The following TOGARAM2 variants were observed in gnomAD, a reference collection of about 807,000 sequenced individuals.
TOGARAM2 encodes TOG array regulator of axonemal microtubules 2, also known as TOG array regulator of axonemal microtubules protein 2.
In TOGARAM2, 85 loss-of-function variants were observed where a neutral mutation model predicts 93.3. That is an observed-to-expected ratio of 0.91 (90% confidence interval 0.76 to 1.09). TOGARAM2 has a LOEUF of 1.09. TOGARAM2 is among the 50% of genes least tolerant of loss of function. The probability of loss-of-function intolerance (pLI) is 0.00; values close to 1 mark genes in which losing one functional copy is unlikely to be tolerated. For missense variants in TOGARAM2, 1,277 were observed against 1,334.5 expected (o/e 0.96, Z 0.67); for synonymous variants, 593 against 552.8 (o/e 1.07, Z -1.02).
At position 28,994,241 on chromosome 2, in the gene TOGARAM2, G is replaced by A. The variant is rs550908202; in HGVS notation, c.-110-484G>A. Among the ~76,000 whole-genome samples the A allele has an allele frequency of 1.1e-4, 17 of 152,214 alleles. No individual in the cohort carries two copies. In the South Asian group the frequency reaches 3.3e-3, roughly 30 times the overall value. Reference sequence around the variant, plus strand: ...TCAGGTGAGAAGGAGCACCAAGGACGTCATGGAGGTCATGACCGCGCATCC... The same window carrying A: ...TCAGGTGAGAAGGAGCACCAAGGACATCATGGAGGTCATGACCGCGCATCC... On this transcript the variant is annotated intron_variant, in intron 1 of 19. Transcript: ENST00000379558.
chr2:28,979,121 A>G (rs1368778892), upstream of TOGARAM2, among the ~76,000 whole-genome samples: 2 of 149,516 alleles, frequency 1.3e-5, no homozygotes, highest in Non-Finnish European at 2.9e-5. Flanking sequence ...CCCCACCTGG[A>G]GTGCCCCAAT....
At chr2:28,957,748 G>A (rs979977325) in intron 1 of TOGARAM2, among the ~76,000 whole-genome samples, 6 of 152,066 alleles carry the variant, frequency 3.9e-5, no homozygotes, top group Non-Finnish European at 4.4e-5. Flanking sequence ...TGTTTATTTC[G>A]AACTTCAGTT....
intron 1 of TOGARAM2, among the ~76,000 whole-genome samples, chr2:28,963,877 G>A (rs1206912776): frequency 6.6e-6 from 1 of 152,142 alleles, no homozygotes; most frequent in Non-Finnish European, 1.5e-5. Flanking sequence ...GCATGGTAGT[G>A]TGCGCCTGTA....
intron 1 of TOGARAM2, among the ~76,000 whole-genome samples, chr2:28,962,791 TCCTCCCCTTC>T (rs1195395445): frequency 1.9e-4 from 20 of 103,884 alleles, no homozygotes; most frequent in African/African-American, 2.6e-4. Flanking sequence ...CCCTCCCTTT[TCCTCCCCTTC>T]CCTCCCCTTC....
chr2:28,994,191 G>T (rs1001361399), intron 1 of TOGARAM2, among the ~76,000 whole-genome samples: 1 of 152,160 alleles, frequency 6.6e-6, no homozygotes, highest in Non-Finnish European at 1.5e-5. Flanking sequence ...GTGGCTGAGG[G>T]GGGTCACAGG....
chr2:29,005,346 C>A (rs114434805), intron 6 of TOGARAM2, among the ~76,000 whole-genome samples: 1 of 12,592 alleles, frequency 7.9e-5, no homozygotes, highest in African/African-American at 1.2e-4. Flanking sequence ...CGTGTGTGTG[C>A]ATGTGTGGAG....
At chr2:28,966,158 T>G (rs1451814245) in intron 1 of TOGARAM2, among the ~76,000 whole-genome samples, 1 of 149,960 alleles carries the variant, frequency 6.7e-6, no homozygotes, top group Non-Finnish European at 1.5e-5. Flanking sequence ...GCCTGGCTAG[T>G]TTTTGTATTT....
intron 1 of TOGARAM2, among the ~76,000 whole-genome samples, chr2:28,973,490 G>A (rs55882210): frequency 5.9e-4 from 25 of 42,314 alleles, no homozygotes; most frequent in African/African-American, 1.7e-3. Flanking sequence ...TCCCTCCTTC[G>A]TTCTTCTCCC....
chr2:28,959,779 A>G (rs1317980929), intron 1 of TOGARAM2, among the ~76,000 whole-genome samples: 3 of 152,222 alleles, frequency 2.0e-5, no homozygotes, highest in Non-Finnish European at 1.5e-5. Flanking sequence ...GATGATCTGT[A>G]TATACACGCC....
chr2:29,005,548 A>C (rs1273866331), intron 6 of TOGARAM2, among the ~76,000 whole-genome samples: 1 of 140,416 alleles, frequency 7.1e-6, no homozygotes, highest in Non-Finnish European at 1.5e-5. Context: ...GTGTGTGTTC[A>C]TGTGTGTGGA....
upstream of TOGARAM2, among the ~76,000 whole-genome samples, chr2:28,976,592 C>T (rs1461535054): frequency 1.3e-5 from 2 of 152,142 alleles, no homozygotes; most frequent in African/African-American, 2.4e-5. Context: ...GAGGGGTTGG[C>T]TTCTGTTGGG....
At chr2:29,040,183 T>A (rs894893403) in intron 18 of TOGARAM2, among the ~76,000 whole-genome samples, 3 of 152,246 alleles carry the variant, frequency 2.0e-5, no homozygotes, top group African/African-American at 4.8e-5. Context: ...AAATTTCCCT[T>A]GTTAAAAATC....
At chr2:28,965,405 G>A (rs532195846) in intron 1 of TOGARAM2, among the ~76,000 whole-genome samples, 2 of 152,106 alleles carry the variant, frequency 1.3e-5, no homozygotes, top group African/African-American at 4.8e-5. Flanking sequence ...TTCACTATTG[G>A]CTTGTTGTTA....
intron 4 of TOGARAM2, among the ~76,000 whole-genome samples, chr2:29,002,081 C>T (rs1293488412): frequency 3.9e-5 from 6 of 152,136 alleles, no homozygotes; most frequent in Non-Finnish European, 7.4e-5. Flanking sequence ...GTCAAAACAG[C>T]TACGCCCCAC....
At position 29,035,536 on chromosome 2, in the gene TOGARAM2, G is replaced by C. The variant is rs1445703478; in HGVS notation, c.2298G>C (p.Gln766His). 1 of 1,574,454 alleles carries C rather than the reference G, an allele frequency of 6.4e-7. No individual in the cohort carries two copies. The highest frequency in any genetic ancestry group is 8.6e-7 in the Non-Finnish European group (1 of 1,160,122). Residue 766 changes from glutamine to histidine, a missense_variant, in exon 17 of 20, where the codon CAG (glutamine) becomes CAC (histidine). Transcript: ENST00000379558. ...AGGGCCGCGGGGAGATGGTGGAGCA[G>C]CTACGGGAGCTGACACGGCTGCTGG... ...TLQGRGEMVEQLRELTRLLEA... is the reference protein window; with the variant it reads ...TLQGRGEMVEHLRELTRLLEA...
rs567279250 is a variant in TOGARAM2, at chr2:29,022,317, A to C, written c.1511+9A>C. The C allele has an allele frequency of 6.2e-7, 1 of 1,613,644 alleles. No homozygotes were observed. Among genetic ancestry groups the C allele is most frequent in the African/African-American group, 1.3e-5 (1 of 75,012 alleles). ...CTCAACAGCAGTGACTGGTGAGGAGATGCTTCCACCACGTGCTGTGTTCTG... is the reference window on the plus strand; with the variant it reads ...CTCAACAGCAGTGACTGGTGAGGAGCTGCTTCCACCACGTGCTGTGTTCTG... On this transcript the variant is annotated intron_variant, in intron 11 of 19. Coordinates refer to ENST00000379558, the MANE Select transcript of TOGARAM2 (RefSeq NM_199280.4).
chr2:28,958,593 C>T (rs942768859), intron 1 of TOGARAM2, among the ~76,000 whole-genome samples: 1 of 152,194 alleles, frequency 6.6e-6, no homozygotes, highest in African/African-American at 2.4e-5. Flanking sequence ...TGAGCCACTA[C>T]AGCGGGCTGA....
chr2:29,017,394 A>G (rs1386011077), intron 9 of TOGARAM2, 90 bp downstream of exon 9: 11 of 1,258,684 alleles, frequency 8.7e-6, no homozygotes, highest in Non-Finnish European at 1.1e-5. Flanking sequence ...TTCTTTTTTA[A>G]AATTTTTATT....
At chr2:28,971,707 G>A (rs931437226) in intron 1 of TOGARAM2, among the ~76,000 whole-genome samples, 2 of 146,688 alleles carry the variant, frequency 1.4e-5, no homozygotes, top group Non-Finnish European at 3.0e-5. Context: ...CAGTCATGAG[G>A]ATGTGCCTGT....
Sources: allele counts gnomAD v4.1 joint callset (sites outside exome capture counted in the v4.1 genomes callset), GRCh38; gene constraint gnomAD v4.1.1; transcripts MANE v1.5; gene names NCBI Gene and HGNC (gene_info 2026-07-23, HGNC 2026-07-21).